The following NFIB variants were observed in gnomAD, a reference collection of about 807,000 sequenced individuals.
NFIB encodes the protein nuclear factor I B, also known as nuclear factor 1 B-type.
A neutral mutation model predicts 61.5 loss-of-function variants in NFIB; 11 were observed. The ratio of observed to expected loss-of-function variants is 0.18; its 90% CI spans 0.11 to 0.30. NFIB has a LOEUF of 0.30. Ranked by LOEUF, NFIB falls within the 10% of genes least tolerant of loss-of-function variation. The pLI, the probability that NFIB is intolerant of heterozygous loss-of-function variation, is 1.00. For synonymous variants in NFIB, 260 were observed against 216.5 expected (o/e 1.20, Z -1.76); for missense variants, 471 against 608.9 (o/e 0.77, Z 2.38).
the NFIB span, among the ~76,000 whole-genome samples, chr9:14,493,711 A>G: frequency 2.6e-5 from 4 of 152,206 alleles, no homozygotes; most frequent in African/African-American, 7.2e-5. Context: ...GACCTTTCCC[A>G]GGACCAGAAT....
intron 1 of NFIB, chr9:14,361,579 A>G (rs949436644): frequency 2.6e-5 from 4 of 152,244 alleles, no homozygotes; most frequent in African/African-American, 4.8e-5. Flanking sequence ...CATATAGCAT[A>G]CATTAGTCAA....
chr9:14,198,803 G>A (rs1402550265), intron 2 of NFIB, among the ~76,000 whole-genome samples: 1 of 152,198 alleles, frequency 6.6e-6, no homozygotes, highest in Non-Finnish European at 1.5e-5. Flanking sequence ...GCAAAAGGCA[G>A]TATGTGACTA....
chr9:14,474,125 C>T, the NFIB span, among the ~76,000 whole-genome samples: 1 of 152,154 alleles, frequency 6.6e-6, no homozygotes, highest in Non-Finnish European at 1.5e-5. Flanking sequence ...GAGCATTTAT[C>T]ATGTTCCTGC....
chr9:14,122,267 T>C (rs1448044189), intron 7 of NFIB, among the ~76,000 whole-genome samples: 1 of 152,130 alleles, frequency 6.6e-6, no homozygotes, highest in Non-Finnish European at 1.5e-5. Flanking sequence ...TAAGAATGTA[T>C]AGAATAGAAA....
intron 2 of NFIB, among the ~76,000 whole-genome samples, chr9:14,193,948 C>G (rs1340223492): frequency 6.6e-6 from 1 of 152,044 alleles, no homozygotes; most frequent in Non-Finnish European, 1.5e-5. Context: ...CCTCTACATC[C>G]TCTCTCTCAA....
At chr9:14,503,655 C>T in the NFIB span, among the ~76,000 whole-genome samples, 1 of 151,970 alleles carries the variant, frequency 6.6e-6, no homozygotes, top group Non-Finnish European at 1.5e-5. Flanking sequence ...TTCATTTAGC[C>T]CACTTTTTGT....
intron 1 of NFIB, among the ~76,000 whole-genome samples, chr9:14,344,938 G>A (rs1351026885): frequency 1.3e-5 from 2 of 152,102 alleles, no homozygotes; most frequent in Non-Finnish European, 2.9e-5. Flanking sequence ...GAAGGAAGAG[G>A]GGTGGTTGGG....
At chr9:14,343,477 A>G (rs901850319) in intron 1 of NFIB, among the ~76,000 whole-genome samples, 2 of 152,042 alleles carry the variant, frequency 1.3e-5, no homozygotes, top group Non-Finnish European at 2.9e-5. Context: ...AGGAGTTGCT[A>G]TTACAAAGGG....
the NFIB span, among the ~76,000 whole-genome samples, chr9:14,420,716 G>A: frequency 6.6e-6 from 1 of 152,072 alleles, no homozygotes; most frequent in Admixed American, 6.5e-5. Flanking sequence ...ATTAACACCA[G>A]AGAAATCAAG....
At chr9:14,377,291 G>C (rs933403896) in intron 1 of NFIB, among the ~76,000 whole-genome samples, 2 of 152,202 alleles carry the variant, frequency 1.3e-5, no homozygotes, top group Non-Finnish European at 2.9e-5. Flanking sequence ...GATGATCAAA[G>C]CTCACTCCAG....
chr9:14,356,028 C>A (rs1248462586), intron 1 of NFIB, among the ~76,000 whole-genome samples: 1 of 151,816 alleles, frequency 6.6e-6, no homozygotes, highest in Non-Finnish European at 1.5e-5. Context: ...AACGGGCTTG[C>A]ATTTTTGCAT....
intron 1 of NFIB, among the ~76,000 whole-genome samples, chr9:14,335,273 CA>C (rs1324131391): frequency 3.9e-5 from 6 of 152,144 alleles, no homozygotes; most frequent in Non-Finnish European, 7.4e-5. Context: ...CACCGTTTTC[CA>C]AAAGTGGCTG....
chr9:14,503,621 A>G, the NFIB span, among the ~76,000 whole-genome samples: 5 of 152,170 alleles, frequency 3.3e-5, no homozygotes, highest in Middle Eastern at 3.4e-3. Flanking sequence ...GGCCACTTGT[A>G]TATCTTCTTT....
At chr9:14,490,033 T>C in the NFIB span, among the ~76,000 whole-genome samples, 1 of 152,178 alleles carries the variant, frequency 6.6e-6, no homozygotes, top group Admixed American at 6.5e-5. Flanking sequence ...ATTGCACCTA[T>C]AGGCTAAATT....
chr9:14,152,993 T>C (rs1378103717), intron 4 of NFIB, among the ~76,000 whole-genome samples: 3 of 152,036 alleles, frequency 2.0e-5, no homozygotes, highest in Non-Finnish European at 4.4e-5. Context: ...AACAACAATA[T>C]ATTACATATT....
chr9:14,149,790 G>T (rs993798975), intron 5 of NFIB, among the ~76,000 whole-genome samples: 15 of 152,028 alleles, frequency 9.9e-5, no homozygotes, highest in African/African-American at 3.6e-4. Flanking sequence ...AAGTTACCAG[G>T]AATCAGTTAT....
At chr9:14,161,244 G>A (rs1472894156) in intron 3 of NFIB, among the ~76,000 whole-genome samples, 8 of 152,138 alleles carry the variant, frequency 5.3e-5, no homozygotes, top group African/African-American at 2.4e-5. Flanking sequence ...AGTTAAAGCT[G>A]AAACTGTGAT....
chr9:14,341,291 TG>T (rs1439221298), intron 1 of NFIB, among the ~76,000 whole-genome samples: 1 of 152,138 alleles, frequency 6.6e-6, no homozygotes, highest in Non-Finnish European at 1.5e-5. Flanking sequence ...GGACTGCCCA[TG>T]GGTACCTGGT....
upstream of NFIB, among the ~76,000 whole-genome samples, chr9:14,400,173 C>A (rs1442440983): frequency 2.6e-5 from 4 of 152,094 alleles, no homozygotes; most frequent in African/African-American, 9.7e-5. Flanking sequence ...TACTTAAAAT[C>A]GTTCCATATG....
Sources: gnomAD v4.1 joint callset for allele counts (sites outside exome capture counted in the v4.1 genomes callset) on GRCh38, gnomAD v4.1.1 for gene constraint, MANE v1.5 for transcripts, NCBI Gene and HGNC (gene_info 2026-07-23, HGNC 2026-07-21) for gene names.